EFCAB6: variants seen among roughly 807,000 people sequenced by gnomAD.
EFCAB6 encodes EF-hand calcium binding domain 6, also known as EF-hand calcium-binding domain-containing protein 6.
In EFCAB6, 156 loss-of-function variants were observed where a neutral mutation model predicts 169.8. The observed-to-expected ratio is 0.92, with a 90% CI of 0.81 to 1.05. The LOEUF (loss-of-function observed/expected upper bound fraction) is 1.05, where lower values mean the gene tolerates loss of function less well. Among genes scored for constraint, EFCAB6 ranks in the 50% least tolerant of loss-of-function variants. The pLI is 0.00. For missense variants in EFCAB6, 1,800 were observed against 1,829.1 expected (o/e 0.98, Z 0.29); for synonymous variants, 698 against 676.4 (o/e 1.03, Z -0.50).
At chr22:43,784,666 T>TATATGTGTATATATACAC (rs2062002087) in intron 2 of EFCAB6, among the ~76,000 whole-genome samples, 1 of 60,466 alleles carries the variant, frequency 1.7e-5, no homozygotes, top group South Asian at 5.5e-4. Flanking sequence ...TATATATACA[T>TATATGTGTATATATACAC]ATACATATAT....
intron 17 of EFCAB6, among the ~76,000 whole-genome samples, chr22:43,643,966 G>T (rs985012966): frequency 6.6e-6 from 1 of 151,960 alleles, no homozygotes; most frequent in Non-Finnish European, 1.5e-5. Context: ...TGGGACTACA[G>T]GCGCCCACCA....
At chr22:43,646,553 C>A (rs987025006) in intron 17 of EFCAB6, among the ~76,000 whole-genome samples, 4 of 152,080 alleles carry the variant, frequency 2.6e-5, no homozygotes, top group Non-Finnish European at 4.4e-5. Flanking sequence ...CGGATGTAGA[C>A]CCTAGCATAA....
At chr22:43,802,831 A>C in intron 2 of EFCAB6, 2 of 419,988 alleles carry the variant, frequency 4.8e-6, no homozygotes, top group Non-Finnish European at 9.1e-6. Context: ...AGTTTGAAAT[A>C]CTATTTTTAA....
At chr22:43,532,826 G>C (rs1412082139) in intron 30 of EFCAB6, among the ~76,000 whole-genome samples, 1 of 152,218 alleles carries the variant, frequency 6.6e-6, no homozygotes, top group East Asian at 1.9e-4. Context: ...AGCGGGGCCA[G>C]GTGGGGGGTG....
chr22:43,673,014 G>A lies in EFCAB6; in HGVS notation c.1420-709C>T, dbSNP rs374167825. Among the ~76,000 whole-genome samples the A allele has an allele frequency of 7.9e-5, 12 of 152,304 alleles. 1 individual carries two copies. The highest frequency in any genetic ancestry group is 6.5e-5 in the Admixed American group (1 of 15,292). ...TGGTATTTTTGCCTATCAGAATGGC[G>A]AAAACGCAAAAGTAAGCAAATTACC... On this transcript the variant is annotated intron_variant, in intron 13 of 31. Transcript: ENST00000262726.
rs1349378027 is a variant in EFCAB6, at chr22:43,535,090, C to T, written c.4049-218G>A. The T allele has an allele frequency of 1.3e-5, 7 of 558,746 alleles. No individual in the cohort carries two copies. The African/African-American group carries it at 1.3e-4, about 11-fold the overall frequency. 34.6% of individuals were successfully genotyped at this position (558,746 alleles called of 1,614,324 possible). ...GGACCCTGAGTCCCGCTGGCCCACA[C>T]TGTCCTGGGTTTGCATGGTCACAGC... On this transcript the variant is annotated intron_variant, in intron 29 of 31. Transcript: ENST00000262726.
At chr22:43,542,499 G>A (rs1229071773) in intron 27 of EFCAB6, among the ~76,000 whole-genome samples, 4 of 152,210 alleles carry the variant, frequency 2.6e-5, no homozygotes, top group Non-Finnish European at 5.9e-5. Flanking sequence ...AGAATCGCTT[G>A]AACCTGGGAG....
At chr22:43,529,298 C>G (rs1400807776) in intron 31 of EFCAB6, among the ~76,000 whole-genome samples, 2 of 152,176 alleles carry the variant, frequency 1.3e-5, no homozygotes, top group African/African-American at 4.8e-5. Flanking sequence ...CAAGGGGAGA[C>G]CTGGCCATGC....
chr22:43,748,265 C>T (rs2060633580), intron 6 of EFCAB6, among the ~76,000 whole-genome samples: 1 of 152,224 alleles, frequency 6.6e-6, no homozygotes, highest in Non-Finnish European at 1.5e-5. Context: ...CTGACCCATG[C>T]CGAAGGGTTA....
chr22:43,775,599 T>G (rs989262438), intron 3 of EFCAB6, among the ~76,000 whole-genome samples: 1 of 152,160 alleles, frequency 6.6e-6, no homozygotes, highest in African/African-American at 2.4e-5. Context: ...CCTGCCACCA[T>G]GCCTGAATAA....
chr22:43,776,755 G>A (rs1303452116), intron 3 of EFCAB6, among the ~76,000 whole-genome samples: 1 of 152,182 alleles, frequency 6.6e-6, no homozygotes, highest in Non-Finnish European at 1.5e-5. Context: ...GTCAGGCCAG[G>A]GGAGGAAAAG....
intron 5 of EFCAB6, among the ~76,000 whole-genome samples, chr22:43,764,020 C>G (rs1239790589): frequency 6.6e-6 from 1 of 152,198 alleles, no homozygotes; most frequent in East Asian, 1.9e-4. Flanking sequence ...ACCTCAGCCT[C>G]CCAAAGTGCT....
chr22:43,653,151 C>T (rs1393650049), intron 17 of EFCAB6, among the ~76,000 whole-genome samples: 1 of 152,052 alleles, frequency 6.6e-6, no homozygotes, highest in East Asian at 1.9e-4. Flanking sequence ...CGCATAACAA[C>T]AGGAGAGGAG....
rs2063019323 is a variant in EFCAB6, at chr22:43,809,115, A to G, written c.-128T>C. 6.6e-6 allele frequency: 1 copy of G among 152,190 alleles called. No individual in the cohort carries two copies. The highest frequency in any genetic ancestry group is 1.5e-5 in the Non-Finnish European group (1 of 68,034). The allele number at this position is 152,190 out of a possible 1,614,324, so 9.4% of individuals were successfully genotyped here. ...TTGGGCAGTAATCTAGGCCCTTCCA[A>G]TCCTCTGCGATGAGCCCTGTGAGAA... On this transcript the variant is annotated 5_prime_UTR_variant, in exon 2 of 32. Coordinates refer to ENST00000262726, the MANE Select transcript of EFCAB6 (RefSeq NM_022785.4).
At chr22:43,647,461 T>A (rs1328802586) in intron 17 of EFCAB6, among the ~76,000 whole-genome samples, 2 of 152,224 alleles carry the variant, frequency 1.3e-5, no homozygotes, top group Non-Finnish European at 2.9e-5. Context: ...GAACTGGGAA[T>A]ACAATAGTGA....
chr22:43,690,133 G>C (rs1167900213), intron 10 of EFCAB6, among the ~76,000 whole-genome samples: 1 of 152,050 alleles, frequency 6.6e-6, no homozygotes, highest in Non-Finnish European at 1.5e-5. Flanking sequence ...ATAATCTCCT[G>C]ATGGGTCTTC....
intron 8 of EFCAB6, among the ~76,000 whole-genome samples, chr22:43,722,979 CTCTTA>C (rs1358009727): frequency 2.6e-5 from 4 of 152,186 alleles, no homozygotes; most frequent in African/African-American, 7.2e-5. Flanking sequence ...TGCATGTTCT[CTCTTA>C]TAAGTGGGAG....
chr22:43,748,047 C>A (rs552318252), intron 6 of EFCAB6, among the ~76,000 whole-genome samples: 167 of 152,284 alleles, frequency 1.1e-3, no homozygotes, highest in Non-Finnish European at 2.1e-3. Context: ...TTTGTATCCC[C>A]AATAACCACA....
intron 6 of EFCAB6, among the ~76,000 whole-genome samples, chr22:43,740,560 C>T (rs555137103): frequency 8.5e-5 from 13 of 152,318 alleles, no homozygotes; most frequent in Admixed American, 7.2e-4. Context: ...CGCACAAACA[C>T]GAACTGAACG....
Sources: allele counts gnomAD v4.1 joint callset (sites outside exome capture counted in the v4.1 genomes callset), GRCh38; gene constraint gnomAD v4.1.1; transcripts MANE v1.5; gene names NCBI Gene and HGNC (gene_info 2026-07-23, HGNC 2026-07-21).